The following OLA1 variants were observed in gnomAD, a reference collection of about 807,000 sequenced individuals.
OLA1 encodes obg-like ATPase 1.
OLA1 carries 14 observed loss-of-function variants against 48.4 expected under a neutral mutation model. The observed-to-expected ratio is 0.29, with a 90% CI of 0.19 to 0.45. OLA1 has a LOEUF of 0.45. Among genes scored for constraint, OLA1 ranks in the 20% least tolerant of loss-of-function variants. The pLI is 1.00. For synonymous variants in OLA1, 127 were observed against 150.4 expected (o/e 0.84, Z 1.14); for missense variants, 325 against 467.1 (o/e 0.70, Z 2.80).
intron 2 of OLA1, among the ~76,000 whole-genome samples, chr2:174,230,288 A>G (rs1232720361): frequency 6.6e-6 from 1 of 152,214 alleles, no homozygotes; most frequent in African/African-American, 2.4e-5. Flanking sequence ...TTAAACTCAC[A>G]GTGGCCATCT....
At chr2:174,167,121 G>GA (rs1687184903) in intron 4 of OLA1, among the ~76,000 whole-genome samples, 1 of 147,942 alleles carries the variant, frequency 6.8e-6, no homozygotes, top group African/African-American at 2.5e-5. Flanking sequence ...CCTATCCTCA[G>GA]CAAAAAAAAA....
intron 4 of OLA1, chr2:174,172,560 G>A (rs564231058): frequency 4.2e-5 from 7 of 164,976 alleles, no homozygotes; most frequent in East Asian, 2.9e-4. Flanking sequence ...CCAGTGGGGC[G>A]GAGTAGGTAT....
chr2:174,080,794 T>C (rs189518873), intron 9 of OLA1: 200 of 185,496 alleles, frequency 1.1e-3, no homozygotes, highest in African/African-American at 4.0e-3. Context: ...CAAACAAACT[T>C]AGCGAATACA....
chr2:174,164,348 A>AATACCATTCTGCATAGTGCAGAATGC, intron 4 of OLA1, among the ~76,000 whole-genome samples: 1 of 124,126 alleles, frequency 8.1e-6, no homozygotes, highest in Non-Finnish European at 1.6e-5. Context: ...GGCACTACGC[A>AATACCATTCTGCATAGTGCAGAATGC]ATACCATTCT....
intron 4 of OLA1, among the ~76,000 whole-genome samples, chr2:174,215,049 A>G (rs1688333232): frequency 6.8e-6 from 1 of 147,930 alleles, no homozygotes; most frequent in African/African-American, 2.5e-5. Flanking sequence ...GACTATCTCA[A>G]AAAAAAAAAA....
At chr2:174,144,951 A>AAAAAAAAAAATATAT (rs1181030817) in intron 4 of OLA1, among the ~76,000 whole-genome samples, 7 of 40,294 alleles carry the variant, frequency 1.7e-4, no homozygotes, top group Non-Finnish European at 2.4e-4. Context: ...AAAAAAAAAA[A>AAAAAAAAAAATATAT]ATATATATAT....
At position 174,075,518 on chromosome 2, in the gene OLA1, T is replaced by G; in HGVS notation, c.1099A>C (p.Lys367Gln). ...GSENAVKAAG[K>Q]YRQQGRNYIV... The stretch of plus-strand genomic sequence containing the variant: ...TAATTTCTGCCTTGTTGTCTGTACT[T>G]TCCAGCAGCCTGCAAACAGAAAATA... The change falls in exon 11 of 11, where the codon AAG (lysine) becomes CAG (glutamine). Residue 367 changes from lysine (K) to glutamine (Q), a missense_variant. Coordinates refer to ENST00000284719, the MANE Select transcript of OLA1 (RefSeq NM_013341.5). 3 of 1,606,388 alleles carry G rather than the reference T, an allele frequency of 1.9e-6. No homozygotes were observed. Among genetic ancestry groups the G allele is most frequent in the Non-Finnish European group, 2.6e-6 (3 of 1,173,856 alleles).
At chr2:174,130,282 C>G (rs1442599509) in intron 5 of OLA1, among the ~76,000 whole-genome samples, 1 of 152,056 alleles carries the variant, frequency 6.6e-6, no homozygotes, top group African/African-American at 2.4e-5. Context: ...ACCTGAATGA[C>G]TGAAACTCCC....
chr2:174,203,509 C>T lies in OLA1; in HGVS notation c.373+19524G>A, dbSNP rs1688037018. Among the ~76,000 whole-genome samples, 5 of 148,716 alleles carry T rather than the reference C, an allele frequency of 3.4e-5. No homozygotes were observed. The Admixed American group carries it at 3.4e-4, about 10-fold the overall frequency. ...AGAGATGGGGTCTTGCTTTATTACC[C>T]AGGCTGATCTCGAACTCCTGGCTTC... On this transcript the variant is annotated intron_variant, in intron 4 of 10. Coordinates refer to ENST00000284719, the MANE Select transcript of OLA1 (RefSeq NM_013341.5).
intron 4 of OLA1, among the ~76,000 whole-genome samples, chr2:174,152,510 A>C (rs1275921617): frequency 6.6e-6 from 1 of 152,238 alleles, no homozygotes; most frequent in Non-Finnish European, 1.5e-5. Flanking sequence ...AAATTTTGGA[A>C]TACACAAAAT....
chr2:174,231,041 T>C (rs776609498), intron 2 of OLA1, among the ~76,000 whole-genome samples: 8 of 152,124 alleles, frequency 5.3e-5, no homozygotes, highest in Non-Finnish European at 7.4e-5. Context: ...AGCAAAACAT[T>C]TGGAGGAAAC....
At chr2:174,154,127 G>A (rs1168664662) in intron 4 of OLA1, among the ~76,000 whole-genome samples, 1 of 152,122 alleles carries the variant, frequency 6.6e-6, no homozygotes, top group Non-Finnish European at 1.5e-5. Flanking sequence ...CGCCTCAGCT[G>A]CCCAAAGTGC....
intron 5 of OLA1, among the ~76,000 whole-genome samples, chr2:174,128,090 T>C (rs1686085897): frequency 6.6e-6 from 1 of 151,770 alleles, no homozygotes; most frequent in East Asian, 1.9e-4. Context: ...AAGACAGATA[T>C]AGATTAGAAA....
At chr2:174,191,754 C>T (rs1687782492) in intron 4 of OLA1, among the ~76,000 whole-genome samples, 2 of 152,162 alleles carry the variant, frequency 1.3e-5, no homozygotes, top group South Asian at 2.1e-4. Flanking sequence ...TGAGCCACCA[C>T]ATCCAACCAA....
At chr2:174,095,157 A>G (rs1685218441) in intron 7 of OLA1, among the ~76,000 whole-genome samples, 2 of 152,022 alleles carry the variant, frequency 1.3e-5, no homozygotes, top group Admixed American at 6.6e-5. Flanking sequence ...ATTCTTTAGG[A>G]TATTTACCCA....
chr2:174,199,692 C>G (rs150703997), intron 4 of OLA1, among the ~76,000 whole-genome samples: 1 of 151,950 alleles, frequency 6.6e-6, no homozygotes, highest in East Asian at 1.9e-4. Flanking sequence ...AAAAGAGTCA[C>G]TCAAAGTACA....
intron 4 of OLA1, among the ~76,000 whole-genome samples, chr2:174,154,586 A>T (rs1686828334): frequency 6.6e-6 from 1 of 152,170 alleles, no homozygotes; most frequent in Admixed American, 6.5e-5. Flanking sequence ...TTCAGGTCTA[A>T]GAGATCTCTA....
chr2:174,145,093 G>A (rs1686562610), intron 4 of OLA1, among the ~76,000 whole-genome samples: 1 of 149,566 alleles, frequency 6.7e-6, no homozygotes, highest in Non-Finnish European at 1.5e-5. Context: ...AAATGAGGAT[G>A]CTTCTACCTC....
intron 4 of OLA1, among the ~76,000 whole-genome samples, chr2:174,154,007 C>T (rs979883614): frequency 3.3e-5 from 5 of 152,088 alleles, no homozygotes; most frequent in Non-Finnish European, 7.4e-5. Flanking sequence ...GGTGGAACTA[C>T]GAGTGCCTGC....
Sources: gnomAD v4.1 joint callset for allele counts (sites outside exome capture counted in the v4.1 genomes callset) on GRCh38, gnomAD v4.1.1 for gene constraint, MANE v1.5 for transcripts, NCBI Gene and HGNC (gene_info 2026-07-23, HGNC 2026-07-21) for gene names.